ANO3: variants seen among roughly 807,000 people sequenced by gnomAD.
ANO3 encodes anoctamin-3.
In ANO3, 99 loss-of-function variants were observed where a neutral mutation model predicts 144.8. The observed-to-expected ratio is 0.68, with a 90% CI of 0.58 to 0.81. ANO3 has a LOEUF of 0.81. Among genes scored for constraint, ANO3 ranks in the 30% least tolerant of loss-of-function variants. ANO3 has a pLI of 0.00. For synonymous variants in ANO3, 414 were observed against 392.6 expected, an observed-to-expected ratio of 1.05 and a Z score of -0.64; for missense variants, 905 against 1,202.2, an observed-to-expected ratio of 0.75 and a Z score of 3.66.
At chr11:26,204,636 G>A (rs897256799) in intron 1 of ANO3, among the ~76,000 whole-genome samples, 3 of 152,154 alleles carry the variant, frequency 2.0e-5, no homozygotes, top group African/African-American at 7.2e-5. Flanking sequence ...ACTCTCTGGA[G>A]TAGTTTTCCT....
intron 12 of ANO3, among the ~76,000 whole-genome samples, chr11:26,550,031 A>G (rs1849889407): frequency 6.6e-6 from 1 of 151,792 alleles, no homozygotes; most frequent in African/African-American, 2.4e-5. Context: ...TATCCCAGTT[A>G]GATATCCCCA....
At chr11:26,635,208 C>T (rs916486002) in intron 20 of ANO3, 138 bp downstream of exon 20, 1 of 648,604 alleles carries the variant, frequency 1.5e-6, no homozygotes, top group African/African-American at 1.8e-5. Context: ...AGAAAGGAAG[C>T]AACTACATCT....
chr11:26,603,672 AG>A (rs1346378175), intron 17 of ANO3, among the ~76,000 whole-genome samples: 1 of 77,516 alleles, frequency 1.3e-5, no homozygotes, highest in Admixed American at 1.1e-4. Flanking sequence ...ATACACATAC[AG>A]TCTCCTGGAT....
chr11:26,575,791 G>A (rs1225782353), intron 14 of ANO3, among the ~76,000 whole-genome samples: 1 of 152,132 alleles, frequency 6.6e-6, no homozygotes, highest in African/African-American at 2.4e-5. Flanking sequence ...AGTACTTGAA[G>A]CTGTTCATAG....
At chr11:26,293,509 C>G (rs1162529426) in intron 1 of ANO3, among the ~76,000 whole-genome samples, 2 of 125,136 alleles carry the variant, frequency 1.6e-5, no homozygotes, top group African/African-American at 6.1e-5. Context: ...CAATTTCAGT[C>G]TAGAGTGGGT....
At chr11:26,199,118 T>G (rs1230057342) in intron 1 of ANO3, among the ~76,000 whole-genome samples, 1 of 152,080 alleles carries the variant, frequency 6.6e-6, no homozygotes, top group Non-Finnish European at 1.5e-5. Context: ...CACTTTTTTT[T>G]TTTTCCTGTT....
intron 14 of ANO3, among the ~76,000 whole-genome samples, chr11:26,583,387 A>C (rs1315790792): frequency 6.6e-6 from 1 of 152,240 alleles, no homozygotes; most frequent in Non-Finnish European, 1.5e-5. Context: ...AATTTGAAGT[A>C]AAATTAGAGA....
intron 1 of ANO3, among the ~76,000 whole-genome samples, chr11:26,410,408 A>G (rs939341531): frequency 1.3e-5 from 2 of 152,040 alleles, no homozygotes; most frequent in Non-Finnish European, 2.9e-5. Flanking sequence ...TGAGTAGTTG[A>G]AAGTAATATA....
intron 1 of ANO3, among the ~76,000 whole-genome samples, chr11:26,209,070 C>T (rs1019219066): frequency 2.6e-5 from 4 of 152,120 alleles, no homozygotes; most frequent in African/African-American, 7.2e-5. Context: ...TAGGTATACA[C>T]GTGCCATGGT....
intron 6 of ANO3, among the ~76,000 whole-genome samples, chr11:26,520,658 G>A (rs1862038124): frequency 1.3e-5 from 2 of 152,022 alleles, no homozygotes; most frequent in African/African-American, 4.8e-5. Flanking sequence ...TAATAAATAA[G>A]AATATTTACT....
Position 26,472,395 on chromosome 11 carries a change from G to T in ANO3, c.432+9247G>T, listed in dbSNP as rs1304972608. Among the ~76,000 whole-genome samples, 153 of 152,074 alleles carry T rather than the reference G, an allele frequency of 1.0e-3. 1 individual carries two copies. The highest frequency in any genetic ancestry group is 0.01 in the Admixed American group (153 of 15,232). ...TTTTCTATCATCACAACTCTAAAAT[G>T]TAAGGTCTATTTTTACCCCCATTTC... On this transcript the variant is annotated intron_variant, in intron 4 of 26. Transcript: ENST00000256737.
chr11:26,240,259 G>C (rs1245930573), intron 1 of ANO3, among the ~76,000 whole-genome samples: 1 of 152,118 alleles, frequency 6.6e-6, no homozygotes, highest in African/African-American at 2.4e-5. Context: ...TTTCATCCTT[G>C]TGATGGCACT....
chr11:26,446,258 T>G (rs1360454001), intron 3 of ANO3, among the ~76,000 whole-genome samples: 1 of 152,208 alleles, frequency 6.6e-6, no homozygotes, highest in Non-Finnish European at 1.5e-5. Flanking sequence ...TGAGTAAACA[T>G]TTTGGCAATA....
At chr11:26,463,573 T>C (rs1859494402) in intron 4 of ANO3, among the ~76,000 whole-genome samples, 1 of 151,890 alleles carries the variant, frequency 6.6e-6, no homozygotes, top group Admixed American at 6.6e-5. Flanking sequence ...ATGCTTCTGG[T>C]TGTCTGCTTG....
At chr11:26,197,611 A>G (rs984493434) in intron 1 of ANO3, among the ~76,000 whole-genome samples, 9 of 152,072 alleles carry the variant, frequency 5.9e-5, no homozygotes. Flanking sequence ...TCGGCCTCCC[A>G]AAGTGCTGGG....
chr11:26,620,024 C>G (rs538965280), intron 17 of ANO3, among the ~76,000 whole-genome samples: 2 of 152,102 alleles, frequency 1.3e-5, no homozygotes, highest in African/African-American at 4.8e-5. Context: ...TTTAACATCC[C>G]TTTATCAGGC....
intron 4 of ANO3, among the ~76,000 whole-genome samples, chr11:26,482,455 T>A (rs906733347): frequency 4.6e-5 from 7 of 151,584 alleles, no homozygotes; most frequent in African/African-American, 1.5e-4. Flanking sequence ...TGTGTGTGTG[T>A]GTGTGTGTGT....
chr11:26,632,465 G>A (rs1189804476), intron 18 of ANO3, among the ~76,000 whole-genome samples: 4 of 146,662 alleles, frequency 2.7e-5, no homozygotes, highest in East Asian at 2.0e-4. Context: ...GCAGTGAGCC[G>A]AGATTGTGCC....
intron 24 of ANO3, among the ~76,000 whole-genome samples, chr11:26,654,168 T>A (rs1853615063): frequency 6.6e-6 from 1 of 152,190 alleles, no homozygotes; most frequent in South Asian, 2.1e-4. Context: ...CATATAAACT[T>A]TAGATTCAAT....
Sources: gnomAD v4.1 joint callset for allele counts (sites outside exome capture counted in the v4.1 genomes callset) on GRCh38, gnomAD v4.1.1 for gene constraint, MANE v1.5 for transcripts, NCBI Gene and HGNC (gene_info 2026-07-23, HGNC 2026-07-21) for gene names.